RIPOR2: variants seen among roughly 807,000 people sequenced by gnomAD.
RIPOR2 encodes the protein rho family-interacting cell polarization regulator 2.
RIPOR2 carries 39 observed loss-of-function variants against 114.5 expected under a neutral mutation model. That is an observed-to-expected ratio of 0.34 (90% CI 0.26 to 0.44). The LOEUF is 0.44. Among genes scored for constraint, RIPOR2 ranks in the 20% least tolerant of loss-of-function variants. The pLI is 1.00. For missense variants in RIPOR2, 1,007 were observed against 1,255.1 expected (o/e 0.80, Z 2.99); for synonymous variants, 445 against 484.4 (o/e 0.92, Z 1.07).
Position 24,849,881 on chromosome 6 carries a change from A to G in RIPOR2, c.955T>C (p.Phe319Leu). The stretch of plus-strand genomic sequence containing the variant: ...GCCACTACCTGAGGTCGGGCTGCAA[A>G]CAGCTCTTTGGTCTCACAGGTCACG... ...GSVTCETKEL[F>L]AARPQVVAVD... The change falls in exon 11 of 22, where the codon TTT (phenylalanine) becomes CTT (leucine). Residue 319 changes from phenylalanine to leucine, a missense_variant. Transcript: ENST00000643898. 1 of 1,613,934 alleles carries G rather than the reference A, an allele frequency of 6.2e-7. No individual in the cohort carries two copies. The highest frequency in any genetic ancestry group is 8.5e-7 in the Non-Finnish European group (1 of 1,179,856).
At chr6:24,957,948 G>T (rs928877829) in intron 1 of RIPOR2, among the ~76,000 whole-genome samples, 3 of 152,070 alleles carry the variant, frequency 2.0e-5, no homozygotes, top group Non-Finnish European at 4.4e-5. Flanking sequence ...AACACTGTTG[G>T]TGGTATTGTA....
At chr6:24,992,421 C>A (rs561040681) in intron 1 of RIPOR2, among the ~76,000 whole-genome samples, 102 of 152,304 alleles carry the variant, frequency 6.7e-4, no homozygotes, top group Non-Finnish European at 1.3e-3. Flanking sequence ...TTCCTATACA[C>A]TAGCAACAGC....
intron 1 of RIPOR2, among the ~76,000 whole-genome samples, chr6:24,957,715 AT>A (rs200927396): frequency 0.014 from 2,093 of 152,292 alleles, 33 homozygotes; most frequent in African/African-American, 0.039. Flanking sequence ...CCACTGAAAA[AT>A]ACAAAAAAAT....
intron 2 of RIPOR2, among the ~76,000 whole-genome samples, chr6:24,875,426 G>A (rs529935358): frequency 6.6e-6 from 1 of 152,312 alleles, no homozygotes; most frequent in South Asian, 2.1e-4. Flanking sequence ...AAAAAGGGGT[G>A]GAAGGAGGGG....
At chr6:24,885,523 C>T (rs1395992535) in intron 1 of RIPOR2, among the ~76,000 whole-genome samples, 1 of 152,110 alleles carries the variant, frequency 6.6e-6, no homozygotes, top group Non-Finnish European at 1.5e-5. Context: ...CATGTCCGGC[C>T]AAAGTGGTAC....
chr6:25,040,792 C>T (rs1164520290), intron 1 of RIPOR2, among the ~76,000 whole-genome samples: 1 of 152,098 alleles, frequency 6.6e-6, no homozygotes, highest in African/African-American at 2.4e-5. Flanking sequence ...AGGGTTTCAC[C>T]ATGTTGGCCA....
chr6:24,918,836 C>T (rs924566040), intron 1 of RIPOR2, among the ~76,000 whole-genome samples: 2 of 152,206 alleles, frequency 1.3e-5, no homozygotes, highest in African/African-American at 4.8e-5. Context: ...ACTCCTGCTC[C>T]TAGGCTCTGA....
In RIPOR2 at chr6:24,806,287, T is replaced by G; in HGVS notation, c.*86A>C. 2 of 934,652 alleles carry G rather than the reference T, an allele frequency of 2.1e-6. No individual in the cohort carries two copies. Among genetic ancestry groups the G allele is most frequent in the Non-Finnish European group, 3.4e-6 (2 of 595,820 alleles). The allele number at this position is 934,652 out of a possible 1,614,324, so 57.9% of individuals were successfully genotyped here. A position where few individuals can be genotyped will look rare whatever the true frequency, so the allele number is the denominator to read the frequency against. On this transcript the variant is annotated 3_prime_UTR_variant, in exon 22 of 22. Coordinates refer to ENST00000643898, the MANE Select transcript of RIPOR2 (RefSeq NM_001286445.3). Reference sequence around the variant, plus strand: ...ATTTCAGTTGTCGTGTCTCTCAGGCTCTAAACAATTTCCAGCCCAAACCAC... The same window carrying G: ...ATTTCAGTTGTCGTGTCTCTCAGGCGCTAAACAATTTCCAGCCCAAACCAC...
intron 13 of RIPOR2, among the ~76,000 whole-genome samples, chr6:24,842,604 T>C (rs896792555): frequency 6.6e-6 from 1 of 152,182 alleles, no homozygotes; most frequent in Non-Finnish European, 1.5e-5. Flanking sequence ...AATGATTAAC[T>C]TGGGGACTGG....
intron 1 of RIPOR2, among the ~76,000 whole-genome samples, chr6:25,022,571 A>T (rs1482280630): frequency 8.4e-5 from 2 of 23,940 alleles, no homozygotes; most frequent in African/African-American, 1.3e-4. Flanking sequence ...TTTTTTTTAG[A>T]CAGGTTCTTG....
intron 12 of RIPOR2, 74 bp downstream of exon 12, chr6:24,847,951 A>G: frequency 3.8e-6 from 6 of 1,576,480 alleles, no homozygotes; most frequent in Non-Finnish European, 5.2e-6. Flanking sequence ...ACTGTCTCTT[A>G]AGCATTTCAA....
At position 24,875,682 on chromosome 6, in the gene RIPOR2, A is replaced by G. The variant is rs577485363; in HGVS notation, c.188+9T>C. 6 of 1,610,920 alleles carry G rather than the reference A, an allele frequency of 3.7e-6. No homozygotes were observed. In the African/African-American group the frequency reaches 5.3e-5, roughly 14 times the overall value. On this transcript the variant is annotated intron_variant, in intron 2 of 21. Transcript: ENST00000643898. ...GCTGCATCCCGGGAGAGAACCACAC[A>G]GTACTTGCCTGGATCGCCTTTCCTG... is the stretch of plus-strand genomic sequence containing the variant.
At chr6:24,973,987 A>T (rs1191202646) in intron 1 of RIPOR2, among the ~76,000 whole-genome samples, 1 of 152,152 alleles carries the variant, frequency 6.6e-6, no homozygotes, top group Non-Finnish European at 1.5e-5. Context: ...AAAAGTAACT[A>T]CTGGGTACTA....
chr6:24,987,941 C>A (rs571582134), intron 1 of RIPOR2, among the ~76,000 whole-genome samples: 1 of 152,122 alleles, frequency 6.6e-6, no homozygotes, highest in Non-Finnish European at 1.5e-5. Context: ...ATCTAAGGGG[C>A]CTTGCTACAA....
chr6:25,015,574 T>C (rs1450505951), intron 1 of RIPOR2: 1 of 152,238 alleles, frequency 6.6e-6, no homozygotes, highest in Non-Finnish European at 1.5e-5. Flanking sequence ...TCCTCTTGAC[T>C]CTGTAAAAAC....
chr6:25,022,051 C>A (rs1776348860), intron 1 of RIPOR2, among the ~76,000 whole-genome samples: 1 of 152,166 alleles, frequency 6.6e-6, no homozygotes, highest in African/African-American at 2.4e-5. Context: ...ATGAACCCAT[C>A]ACTTTGATGG....
chr6:24,939,051 A>G (rs1008802409), upstream of RIPOR2, among the ~76,000 whole-genome samples: 5 of 152,208 alleles, frequency 3.3e-5, no homozygotes, highest in African/African-American at 1.2e-4. Flanking sequence ...AGTGCCAGCA[A>G]CAGTTTTAAG....
intron 1 of RIPOR2, among the ~76,000 whole-genome samples, chr6:24,913,387 A>G (rs1223044138): frequency 6.6e-6 from 1 of 152,162 alleles, no homozygotes; most frequent in African/African-American, 2.4e-5. Flanking sequence ...TGGAAGGTGA[A>G]GGGCCAACAC....
chr6:24,915,715 C>T (rs928587668), intron 1 of RIPOR2, among the ~76,000 whole-genome samples: 7 of 152,130 alleles, frequency 4.6e-5, no homozygotes, highest in Admixed American at 3.9e-4. Context: ...TAAGAATCAC[C>T]CTGGGAAGGA....
Sources: allele counts gnomAD v4.1 joint callset (sites outside exome capture counted in the v4.1 genomes callset), GRCh38; gene constraint gnomAD v4.1.1; transcripts MANE v1.5; gene names NCBI Gene and HGNC (gene_info 2026-07-23, HGNC 2026-07-21).